UBAP1: variants seen among roughly 807,000 people sequenced by gnomAD.
UBAP1 encodes the protein ubiquitin associated protein 1, also known as ubiquitin-associated protein 1.
UBAP1 carries 5 observed loss-of-function variants against 39.0 expected under a neutral mutation model. That is an observed-to-expected ratio of 0.13 (90% confidence interval 0.07 to 0.27). The LOEUF is 0.27. Among genes scored for constraint, UBAP1 ranks in the 10% least tolerant of loss-of-function variants. The probability of loss-of-function intolerance (pLI) is 1.00; values close to 1 mark genes in which losing one functional copy is unlikely to be tolerated. For synonymous variants in UBAP1, 211 were observed against 225.1 expected (o/e 0.94, Z 0.56); for missense variants, 490 against 608.1 (o/e 0.81, Z 2.04).
At chr9:34,188,423 CTTTTTT>C (rs34942688) in intron 1 of UBAP1, among the ~76,000 whole-genome samples, 10 of 117,210 alleles carry the variant, frequency 8.5e-5, no homozygotes, top group African/African-American at 1.9e-4. Context: ...TAGTCTTCAG[CTTTTTT>C]TTTTTTTTTT....
intron 1 of UBAP1, among the ~76,000 whole-genome samples, chr9:34,200,718 A>G (rs757384999): frequency 1.3e-5 from 2 of 152,182 alleles, no homozygotes; most frequent in Middle Eastern, 3.4e-3. Context: ...ATACATTACT[A>G]TTTATTTATT....
chr9:34,232,608 G>A (rs1833483481), intron 2 of UBAP1, among the ~76,000 whole-genome samples: 1 of 152,102 alleles, frequency 6.6e-6, no homozygotes, highest in African/African-American at 2.4e-5. Flanking sequence ...TCCTAATGGA[G>A]AGTTTCAGGT....
At chr9:34,179,332 C>T (rs1381117545) in intron 1 of UBAP1, 92 bp downstream of exon 1, 2 of 960,604 alleles carry the variant, frequency 2.1e-6, no homozygotes, top group Non-Finnish European at 2.7e-6. Flanking sequence ...GGATGGGGGG[C>T]CGAGCGAGGT....
intron 2 of UBAP1, among the ~76,000 whole-genome samples, chr9:34,226,125 G>GTGTGTGTGTGTGTGTGTGTGTT (rs1554650812): frequency 1.9e-4 from 27 of 139,878 alleles, no homozygotes; most frequent in African/African-American, 4.9e-4. Flanking sequence ...GTGTGTGTGT[G>GTGTGTGTGTGTGTGTGTGTGTT]TGTGTGTGTG....
At chr9:34,250,409 G>C (rs891012674) in intron 5 of UBAP1, among the ~76,000 whole-genome samples, 2 of 152,170 alleles carry the variant, frequency 1.3e-5, no homozygotes, top group Non-Finnish European at 2.9e-5. Flanking sequence ...TCTGGTGGGC[G>C]TGTCAGCTGT....
chr9:34,220,728 A>C (rs765567042), intron 1 of UBAP1, among the ~76,000 whole-genome samples, 180 bp from the exon 2 acceptor site: 7 of 152,064 alleles, frequency 4.6e-5, no homozygotes, highest in Non-Finnish European at 1.0e-4. Flanking sequence ...CGCCCAAAGC[A>C]CTGGGATTAC....
chr9:34,210,944 T>G (rs1831986930), intron 1 of UBAP1, among the ~76,000 whole-genome samples: 1 of 152,082 alleles, frequency 6.6e-6, no homozygotes, highest in African/African-American at 2.4e-5. Context: ...ATTTTTATAA[T>G]AAGAATCATT....
At chr9:34,226,129 G>GTGTGTT (rs1554650838) in intron 2 of UBAP1, among the ~76,000 whole-genome samples, 72 of 141,950 alleles carry the variant, frequency 5.1e-4, no homozygotes, top group African/African-American at 1.9e-3. Context: ...GTGTGTGTGT[G>GTGTGTT]TGTGTGTGTG....
At chr9:34,212,426 CTT>C (rs1238074024) in intron 1 of UBAP1, among the ~76,000 whole-genome samples, 16 of 139,150 alleles carry the variant, frequency 1.1e-4, no homozygotes, top group Middle Eastern at 3.5e-3. Context: ...CACACACACA[CTT>C]ATAGTTATTT....
intron 1 of UBAP1, among the ~76,000 whole-genome samples, chr9:34,179,642 G>A (rs1208861431): frequency 6.6e-6 from 1 of 152,092 alleles, no homozygotes; most frequent in Non-Finnish European, 1.5e-5. Flanking sequence ...GGGACGTGCG[G>A]TGTAGATTTA....
intron 1 of UBAP1, among the ~76,000 whole-genome samples, chr9:34,219,800 T>C (rs1422729451): frequency 3.1e-5 from 1 of 31,872 alleles, no homozygotes; most frequent in African/African-American, 1.3e-4. Context: ...CCATCTCCAC[T>C]TTCCCCTCTC....
chr9:34,241,320 G>C lies in UBAP1; in HGVS notation c.295G>C (p.Asp99His). The C allele has an allele frequency of 6.6e-7, 1 of 1,517,172 alleles. No homozygotes were observed. Among genetic ancestry groups the C allele is most frequent in the Non-Finnish European group, 8.8e-7 (1 of 1,133,982 alleles). The allele number at this position is 1,517,172 out of a possible 1,614,324, so 94.0% of individuals were successfully genotyped here. ...GAATTCTAAGAGTGGCCCAGAGGGC[G>C]ATAGCAAAATGAGCTTCTCCAAGAC... ...KVNSKSGPEG[D>H]SKMSFSKTHS... The change falls in exon 4 of 7, where the codon GAT becomes CAT. Residue 99 changes from aspartate to histidine, a missense_variant. Around this residue, in one of 3 missense-constraint regions of UBAP1, gnomAD observed 144 missense variants for 184.4 expected, o/e 0.78. Transcript: ENST00000297661.
chr9:34,233,639 CAAT>C (rs905599017), intron 2 of UBAP1, among the ~76,000 whole-genome samples: 2 of 151,606 alleles, frequency 1.3e-5, no homozygotes, highest in Non-Finnish European at 2.9e-5. Flanking sequence ...GAAAGAGAAA[CAAT>C]AAATATAATT....
In UBAP1 at chr9:34,179,191, C is replaced by T; in HGVS notation, c.-57C>T. 1 of 1,219,468 alleles carries T rather than the reference C, an allele frequency of 8.2e-7. No homozygotes were observed. The highest frequency in any genetic ancestry group is 4.0e-5 in the South Asian group (1 of 25,222). The allele number at this position is 1,219,468 out of a possible 1,614,324, so 75.5% of individuals were successfully genotyped here. ...CGGGGACCGAGCCTGGGAGGCCGGC[C>T]GGTGCCAGCACCTTTCGGCTTCTGA... On this transcript the variant is annotated 5_prime_UTR_variant, in exon 1 of 7. Transcript: ENST00000297661.
chr9:34,228,886 C>T (rs1833257261), intron 2 of UBAP1, among the ~76,000 whole-genome samples: 1 of 151,808 alleles, frequency 6.6e-6, no homozygotes, highest in East Asian at 1.9e-4. Flanking sequence ...TGGCCACGTT[C>T]CCATCTCTTT....
intron 1 of UBAP1, among the ~76,000 whole-genome samples, chr9:34,190,885 T>C (rs1039311389): frequency 6.7e-6 from 1 of 149,438 alleles, no homozygotes; most frequent in African/African-American, 2.5e-5. Flanking sequence ...TAAGTTCAGG[T>C]GATCCACCTG....
intron 1 of UBAP1, among the ~76,000 whole-genome samples, chr9:34,181,772 A>G (rs1229015669): frequency 6.7e-6 from 1 of 149,278 alleles, no homozygotes; most frequent in African/African-American, 2.5e-5. Flanking sequence ...GAAAAAAATT[A>G]AACTCTGTAA....
intron 4 of UBAP1, among the ~76,000 whole-genome samples, chr9:34,242,653 T>A (rs1485514308): frequency 1.3e-5 from 2 of 152,152 alleles, no homozygotes; most frequent in Non-Finnish European, 1.5e-5. Flanking sequence ...GCTTCCCGAA[T>A]AGCTGGGACT....
intron 1 of UBAP1, among the ~76,000 whole-genome samples, chr9:34,220,256 A>T (rs999849190): frequency 7.1e-6 from 1 of 140,860 alleles, no homozygotes; most frequent in South Asian, 2.4e-4. Context: ...AGCTTAAGTG[A>T]TCATCTCACA....
Sources: gnomAD v4.1 joint callset for allele counts (sites outside exome capture counted in the v4.1 genomes callset) on GRCh38, gnomAD v4.1.1 for gene constraint, gnomAD v4.1.1 regional missense constraint, MANE v1.5 for transcripts, NCBI Gene and HGNC (gene_info 2026-07-23, HGNC 2026-07-21) for gene names.